ZNF212: variants seen among roughly 807,000 people sequenced by gnomAD.
ZNF212 encodes zinc finger protein 212.
ZNF212 carries 32 observed loss-of-function variants against 47.3 expected under a neutral mutation model. The observed-to-expected ratio is 0.68, with a 90% confidence interval of 0.51 to 0.91. The LOEUF (loss-of-function observed/expected upper bound fraction) is 0.91. ZNF212 is among the 40% of genes least tolerant of loss of function. The pLI, the probability that ZNF212 is intolerant of heterozygous loss-of-function variation, is 0.00. For missense variants in ZNF212, 555 were observed against 622.8 expected (o/e 0.89, Z 1.16); for synonymous variants, 242 against 253.8 (o/e 0.95, Z 0.44).
intron 1 of ZNF212, among the ~76,000 whole-genome samples, chr7:149,246,545 G>C (rs1019902977): frequency 6.6e-6 from 1 of 152,096 alleles, no homozygotes; most frequent in Non-Finnish European, 1.5e-5. Context: ...ACCACACCTG[G>C]CTAATTTTGT....
Position 149,252,784 on chromosome 7 carries a change from G to A in ZNF212, c.620G>A (p.Gly207Asp), listed in dbSNP as rs375868679. 7 of 1,613,890 alleles carry A rather than the reference G, an allele frequency of 4.3e-6. No individual in the cohort carries two copies. The highest frequency in any genetic ancestry group is 5.9e-6 in the Non-Finnish European group (7 of 1,180,026). ...GACTTGGAAGAGGAAGGTCCTGGTGGTGCCCACCCAGGTGAGTGGCTCTGG... is the reference window on the plus strand; with the variant it reads ...GACTTGGAAGAGGAAGGTCCTGGTGATGCCCACCCAGGTGAGTGGCTCTGG... ...LGDLEEEGPG[G>D]AHPAGGVMIK... Residue 207 changes from glycine to aspartate, a missense_variant, in exon 4 of 5, where the codon GGT (glycine) becomes GAT (aspartate). Gly to Asp is a moderately conservative substitution (Grantham distance 94). Transcript: ENST00000335870.
At chr7:149,250,112 A>C in intron 1 of ZNF212, 47 bp from the exon 2 acceptor site, 2 of 1,463,930 alleles carry the variant, frequency 1.4e-6, no homozygotes, top group Middle Eastern at 1.8e-4. Context: ...TGCTTTCTTT[A>C]CTTGATGTTT....
chr7:149,246,045 T>C (rs1736723717), intron 1 of ZNF212, among the ~76,000 whole-genome samples: 1 of 152,240 alleles, frequency 6.6e-6, no homozygotes, highest in Admixed American at 6.5e-5. Context: ...TGGTTGTGTT[T>C]TCATTTGTTT....
At chr7:149,246,077 T>C (rs12704087) in intron 1 of ZNF212, among the ~76,000 whole-genome samples, 12,806 of 152,292 alleles carry the variant, frequency 0.084, 571 homozygotes, top group African/African-American at 0.11. Context: ...GCATTTCCGC[T>C]TCCATGAATG....
chr7:149,249,189 T>G (rs991458615), intron 1 of ZNF212, among the ~76,000 whole-genome samples: 2 of 152,206 alleles, frequency 1.3e-5, no homozygotes, highest in Admixed American at 1.3e-4. Flanking sequence ...AGACAGCTCA[T>G]TAAAGTGAAA....
chr7:149,249,789 G>C (rs1585595134), intron 1 of ZNF212, among the ~76,000 whole-genome samples: 1 of 152,216 alleles, frequency 6.6e-6, no homozygotes, highest in African/African-American at 2.4e-5. Context: ...CACCATGCCT[G>C]GCTAATTTTT....
intron 1 of ZNF212, among the ~76,000 whole-genome samples, chr7:149,243,783 T>C (rs1355694953): frequency 3.3e-5 from 5 of 152,164 alleles, no homozygotes; most frequent in African/African-American, 1.2e-4. Flanking sequence ...TAGAAAAGAC[T>C]TATAAGGGTG....
chr7:149,250,832 A>G, intron 3 of ZNF212, 25 bp downstream of exon 3: 1 of 1,613,796 alleles, frequency 6.2e-7, no homozygotes, highest in Admixed American at 1.7e-5. Context: ...TCTCCCTAGA[A>G]TTCTGTCTCA....
At chr7:149,242,167 A>G (rs1319741580) in intron 1 of ZNF212, among the ~76,000 whole-genome samples, 7 of 151,256 alleles carry the variant, frequency 4.6e-5, no homozygotes, top group Non-Finnish European at 5.9e-5. Flanking sequence ...GATTACAGGC[A>G]TGCGTCACCA....
chr7:149,247,029 C>T (rs914071355), intron 1 of ZNF212, among the ~76,000 whole-genome samples: 29 of 149,654 alleles, frequency 1.9e-4, no homozygotes, highest in African/African-American at 6.1e-4. Flanking sequence ...TCAGGCTGGT[C>T]TCGAACTCCC....
At chr7:149,248,722 C>A (rs1481952843) in intron 1 of ZNF212, among the ~76,000 whole-genome samples, 1 of 152,158 alleles carries the variant, frequency 6.6e-6, no homozygotes, top group African/African-American at 2.4e-5. Context: ...ATGCATATAT[C>A]CAGTTTAATA....
chr7:149,251,636 T>G (rs1445337784), intron 3 of ZNF212, among the ~76,000 whole-genome samples: 1 of 151,244 alleles, frequency 6.6e-6, no homozygotes, highest in Non-Finnish European at 1.5e-5. Flanking sequence ...TACAGGCACA[T>G]GCCACTGCGC....
At position 149,239,701 on chromosome 7, in the gene ZNF212, C is replaced by T. The variant is rs2129524108; in HGVS notation, c.-78C>T. 1 of 1,192,772 alleles carries T rather than the reference C, an allele frequency of 8.4e-7. No individual in the cohort carries two copies. The highest frequency in any genetic ancestry group is 1.1e-6 in the Non-Finnish European group (1 of 934,538). The allele number at this position is 1,192,772 out of a possible 1,614,324, so 73.9% of individuals were successfully genotyped here. A position where few individuals can be genotyped will look rare whatever the true frequency, so the allele number is the denominator to read the frequency against. ...GGCGGCGGCGGCGGCTTCCAACAGGCTCTGGGGCGCCGAGCGGACAGGAAC... is the reference window on the plus strand; with the variant it reads ...GGCGGCGGCGGCGGCTTCCAACAGGTTCTGGGGCGCCGAGCGGACAGGAAC... On this transcript the variant is annotated 5_prime_UTR_variant, in exon 1 of 5. Coordinates refer to ENST00000335870, the MANE Select transcript of ZNF212 (RefSeq NM_012256.4).
At chr7:149,241,737 G>T (rs1796592010) in intron 1 of ZNF212, among the ~76,000 whole-genome samples, 1 of 152,176 alleles carries the variant, frequency 6.6e-6, no homozygotes, top group African/African-American at 2.4e-5. Flanking sequence ...GAGGGCATTG[G>T]CCAAACATTC....
At chr7:149,246,714 C>G (rs756741403) in intron 1 of ZNF212, among the ~76,000 whole-genome samples, 22 of 151,112 alleles carry the variant, frequency 1.5e-4, no homozygotes, top group Admixed American at 6.0e-4. Flanking sequence ...TTCTCCTATC[C>G]CTAGCCCTTG....
At chr7:149,250,035 A>G (rs1796730158) in intron 1 of ZNF212, 124 bp from the exon 2 acceptor site, 2 of 965,712 alleles carry the variant, frequency 2.1e-6, no homozygotes, top group Non-Finnish European at 2.8e-6. Flanking sequence ...TTTAGTATCA[A>G]TAAAAGACAT....
chr7:149,247,474 A>G (rs1796694783), intron 1 of ZNF212, among the ~76,000 whole-genome samples: 1 of 152,218 alleles, frequency 6.6e-6, no homozygotes, highest in African/African-American at 2.4e-5. Context: ...TTTATTACAT[A>G]GTAGTAGACT....
chr7:149,246,277 T>C (rs1239048087), intron 1 of ZNF212, among the ~76,000 whole-genome samples: 1 of 152,272 alleles, frequency 6.6e-6, no homozygotes, highest in Non-Finnish European at 1.5e-5. Flanking sequence ...ATTTACTCTT[T>C]AGGCAGATAG....
chr7:149,252,853 G>A, intron 4 of ZNF212, 58 bp downstream of exon 4: 1 of 1,560,024 alleles, frequency 6.4e-7, no homozygotes, highest in South Asian at 1.2e-5. Flanking sequence ...CCTAGAGTGA[G>A]CTTTCCCACG....
Sources: gnomAD v4.1 joint callset for allele counts (sites outside exome capture counted in the v4.1 genomes callset) on GRCh38, gnomAD v4.1.1 for gene constraint, MANE v1.5 for transcripts, NCBI Gene and HGNC (gene_info 2026-07-23, HGNC 2026-07-21) for gene names.